SEPTIN9: variants seen among roughly 807,000 people sequenced by gnomAD.
The protein encoded by SEPTIN9 is septin-9.
SEPTIN9 carries 13 observed loss-of-function variants against 56.6 expected under a neutral mutation model. The ratio of observed to expected loss-of-function variants is 0.23; its 90% confidence interval spans 0.15 to 0.37. The LOEUF (loss-of-function observed/expected upper bound fraction) is 0.37. SEPTIN9 is among the 10% of genes least tolerant of loss of function. SEPTIN9 has a pLI of 1.00. For synonymous variants in SEPTIN9, 332 were observed against 334.1 expected (o/e 0.99, Z 0.07); for missense variants, 650 against 823.1 (o/e 0.79, Z 2.57).
Position 77,436,457 on chromosome 17 carries a change from C to T in SEPTIN9, c.721+33754C>T, listed in dbSNP as rs1186583725. Among the ~76,000 whole-genome samples, 1 of 152,172 alleles carries T rather than the reference C, an allele frequency of 6.6e-6. No individual in the cohort carries two copies. The highest frequency in any genetic ancestry group is 2.4e-5 in the African/African-American group (1 of 41,428). ...GGCAAAGCAAAGAGCCTCACTTTCT[C>T]CCCGCAGATGGGACGGGGGCGGGGC... On this transcript the variant is annotated intron_variant, in intron 3 of 11. Transcript: ENST00000427177. This position sits in a 1 kb window ranked among gnomAD's most constrained non-coding sequence, Gnocchi z 4.4.
chr17:77,414,008 C>CT (rs539569960), intron 3 of SEPTIN9, among the ~76,000 whole-genome samples: 39 of 144,766 alleles, frequency 2.7e-4, no homozygotes, highest in African/African-American at 9.6e-4. Context: ...AGAGGGAAGG[C>CT]TTTTTTTCAT....
At chr17:77,339,563 G>A (rs1392837380) in intron 2 of SEPTIN9, among the ~76,000 whole-genome samples, 1 of 151,206 alleles carries the variant, frequency 6.6e-6, no homozygotes, top group Non-Finnish European at 1.5e-5. Context: ...AGAATGGAAT[G>A]CGGTGGCATG....
At chr17:77,415,235 G>A (rs553840955) in intron 3 of SEPTIN9, among the ~76,000 whole-genome samples, 1 of 152,334 alleles carries the variant, frequency 6.6e-6, no homozygotes, top group East Asian at 1.9e-4. Flanking sequence ...TTGCCTCTGG[G>A]CGCAGCAGGC....
At chr17:77,393,215 A>C (rs2035601348) in intron 2 of SEPTIN9, among the ~76,000 whole-genome samples, 1 of 152,222 alleles carries the variant, frequency 6.6e-6, no homozygotes, top group South Asian at 2.1e-4. Flanking sequence ...GTGGCTGCCC[A>C]GCCCCCATAC....
At chr17:77,440,679 G>A (rs899350647) in intron 3 of SEPTIN9, among the ~76,000 whole-genome samples, 2 of 152,238 alleles carry the variant, frequency 1.3e-5, no homozygotes, top group East Asian at 1.9e-4. Flanking sequence ...GGAAGGTGAC[G>A]CGTGATCATC....
rs1598267156 is a variant in SEPTIN9, at chr17:77,371,525, C to G, written c.77-30534C>G. Among the ~76,000 whole-genome samples, 1 of 152,296 alleles carries G rather than the reference C, an allele frequency of 6.6e-6. No individual in the cohort carries two copies. The highest frequency in any genetic ancestry group is 2.4e-5 in the African/African-American group (1 of 41,562). The stretch of plus-strand genomic sequence containing the variant: ...GGCTTAGGATGGCTGTTGTGCCGGA[C>G]CCGGCATCTTCCCAGGGGGGCTGTG... On this transcript the variant is annotated intron_variant, in intron 2 of 11. Coordinates refer to ENST00000427177, the MANE Select transcript of SEPTIN9 (RefSeq NM_001113491.2). This position sits in a 1 kb window ranked among gnomAD's most constrained non-coding sequence, Gnocchi z 4.1.
intron 4 of SEPTIN9, among the ~76,000 whole-genome samples, chr17:77,484,397 G>A (rs1043965744): frequency 1.3e-5 from 2 of 151,652 alleles, no homozygotes; most frequent in Non-Finnish European, 2.9e-5. Context: ...TGGTGATGGT[G>A]ACAGTGGTGG....
intron 3 of SEPTIN9, among the ~76,000 whole-genome samples, chr17:77,460,172 G>A (rs868850946): frequency 7.9e-5 from 12 of 152,166 alleles, no homozygotes; most frequent in East Asian, 1.9e-4. Context: ...CTCTCTGTGC[G>A]TGCGTCAGTT....
At chr17:77,466,089 C>T (rs1414153107) in intron 3 of SEPTIN9, among the ~76,000 whole-genome samples, 2 of 143,290 alleles carry the variant, frequency 1.4e-5, no homozygotes, top group Admixed American at 1.4e-4. Context: ...CACACACACA[C>T]ACACACACAC....
In SEPTIN9 at chr17:77,487,973, G is replaced by A. The variant is rs1184351610; in HGVS notation, c.1043-267G>A. Among the ~76,000 whole-genome samples the A allele has an allele frequency of 6.6e-6, 1 of 152,214 alleles. No homozygotes were observed. Among genetic ancestry groups the A allele is most frequent in the Non-Finnish European group, 1.5e-5 (1 of 68,028 alleles). ...CATGTTGGGGCTCTGGCTGTGATGG[G>A]TCAGTGTCCCGGACCCCTGTGGGCC... On this transcript the variant is annotated intron_variant, in intron 5 of 11. Coordinates refer to ENST00000427177, the MANE Select transcript of SEPTIN9 (RefSeq NM_001113491.2). This position sits in a 1 kb window ranked among gnomAD's most constrained non-coding sequence, Gnocchi z 4.3.
Position 77,313,416 on chromosome 17 carries a change from C to T in SEPTIN9, c.76+6219C>T, listed in dbSNP as rs1421864447. The stretch of plus-strand genomic sequence containing the variant: ...AGGCGGTTTGCACCAGTAAACCCTG[C>T]AGCGGCCCCAAGGGCAGAGATAGCT... On this transcript the variant is annotated intron_variant, in intron 2 of 11. Coordinates refer to ENST00000427177, the MANE Select transcript of SEPTIN9 (RefSeq NM_001113491.2). This position sits in a 1 kb window ranked among gnomAD's most constrained non-coding sequence, Gnocchi z 4.5. Among the ~76,000 whole-genome samples, 1 of 152,276 alleles carries T rather than the reference C, an allele frequency of 6.6e-6. No individual in the cohort carries two copies. Among genetic ancestry groups the T allele is most frequent in the East Asian group, 1.9e-4 (1 of 5,198 alleles).
chr17:77,401,977 C>G, intron 2 of SEPTIN9, 82 bp from the exon 3 acceptor site: 2 of 1,463,886 alleles, frequency 1.4e-6, no homozygotes, highest in Non-Finnish European at 1.9e-6. Flanking sequence ...CTGCCTTCCT[C>G]TGCTGCTCCT....
rs183381369 is a variant in SEPTIN9, at chr17:77,401,245, C to T, written c.77-814C>T. On this transcript the variant is annotated intron_variant, in intron 2 of 11. Coordinates refer to ENST00000427177, the MANE Select transcript of SEPTIN9 (RefSeq NM_001113491.2). ...TGTGATGAGCTCGGTAGGCCCGGCG[C>T]CTCGCCGGCACTGAAAGCTCCAGTG... Among the ~76,000 whole-genome samples the T allele has an allele frequency of 5.3e-3, 803 of 152,260 alleles. 11 individuals carry two copies. Among genetic ancestry groups the T allele is most frequent in the African/African-American group, 0.018 (767 of 41,550 alleles).
At chr17:77,463,598 T>G (rs143576742) in intron 3 of SEPTIN9, among the ~76,000 whole-genome samples, 252 of 152,234 alleles carry the variant, frequency 1.7e-3, no homozygotes, top group Middle Eastern at 0.014. Context: ...ATCCTAGCAC[T>G]TGGGAAAGCT....
chr17:77,341,541 G>A (rs560551968), intron 2 of SEPTIN9, among the ~76,000 whole-genome samples: 16 of 152,312 alleles, frequency 1.1e-4, no homozygotes, highest in African/African-American at 1.9e-4. Context: ...TTGGGAGGCC[G>A]AGGCAGGTGG....
rs2036864198 is a variant in SEPTIN9 at position 77,425,344 on chromosome 17, C to T, written c.721+22641C>T. 6.6e-6 allele frequency among the ~76,000 whole-genome samples: 1 copy of T among 152,210 alleles called. No individual in the cohort carries two copies. The highest frequency in any genetic ancestry group is 2.4e-5 in the African/African-American group (1 of 41,454). ...CAGATCTGTGGCTGTGGGGCCCTCT[C>T]CTGCCTGCAGCTGAGAGCCCTTGAC... On this transcript the variant is annotated intron_variant, in intron 3 of 11. Coordinates refer to ENST00000427177, the MANE Select transcript of SEPTIN9 (RefSeq NM_001113491.2). The surrounding 1 kb of genome is among the most constrained non-coding windows in gnomAD (Gnocchi z 4.2).
chr17:77,353,555 G>A (rs1446124637), intron 2 of SEPTIN9, among the ~76,000 whole-genome samples: 1 of 152,080 alleles, frequency 6.6e-6, no homozygotes, highest in Non-Finnish European at 1.5e-5. Context: ...AGAGGTCCCT[G>A]CCAATACCAT....
At chr17:77,353,506 C>A (rs1447486588) in intron 2 of SEPTIN9, among the ~76,000 whole-genome samples, 2 of 152,022 alleles carry the variant, frequency 1.3e-5, no homozygotes, top group East Asian at 3.9e-4. Context: ...CAAGCAGGGG[C>A]CATGTGGGAG....
chr17:77,443,462 C>T (rs189525084), intron 3 of SEPTIN9, among the ~76,000 whole-genome samples: 1 of 152,224 alleles, frequency 6.6e-6, no homozygotes, highest in East Asian at 1.9e-4. Flanking sequence ...ATAAAACACA[C>T]TGTTGGTATA....
Sources: allele counts gnomAD v4.1 joint callset (sites outside exome capture counted in the v4.1 genomes callset), GRCh38; gene constraint gnomAD v4.1.1; non-coding constraint Gnocchi (gnomAD v3.1); transcripts MANE v1.5; gene names NCBI Gene and HGNC (gene_info 2026-07-23, HGNC 2026-07-21).